The following CEP85L variants were observed in gnomAD, a reference collection of about 807,000 sequenced individuals.
CEP85L encodes centrosomal protein of 85 kDa-like.
A neutral mutation model predicts 100.3 loss-of-function variants in CEP85L; 60 were observed. The ratio of observed to expected loss-of-function variants is 0.60; its 90% confidence interval spans 0.49 to 0.74. The LOEUF is 0.74. CEP85L is among the 30% of genes least tolerant of loss of function. The pLI is 0.00. For missense variants in CEP85L, 973 were observed against 936.2 expected (o/e 1.04, Z -0.51); for synonymous variants, 319 against 322.7 (o/e 0.99, Z 0.12).
intron 2 of CEP85L, among the ~76,000 whole-genome samples, chr6:118,599,882 G>C (rs1036575049): frequency 5.3e-5 from 8 of 152,100 alleles, no homozygotes; most frequent in Non-Finnish European, 8.8e-5. Context: ...AACTGTTAAG[G>C]TTATGAAAAA....
chr6:118,593,018 A>C (rs1287846396), intron 2 of CEP85L, among the ~76,000 whole-genome samples: 1 of 152,220 alleles, frequency 6.6e-6, no homozygotes, highest in Non-Finnish European at 1.5e-5. Context: ...CATTAAGATG[A>C]GTTGTTTTAA....
At chr6:118,490,577 G>A (rs1205675237) in intron 6 of CEP85L, among the ~76,000 whole-genome samples, 2 of 152,076 alleles carry the variant, frequency 1.3e-5, no homozygotes, top group African/African-American at 4.8e-5. Context: ...CTATGATCCA[G>A]CAATTCAACT....
chr6:118,615,496 C>A (rs1382403129), intron 2 of CEP85L, among the ~76,000 whole-genome samples: 2 of 152,032 alleles, frequency 1.3e-5, no homozygotes, highest in African/African-American at 4.8e-5. Flanking sequence ...ATTAACTCAG[C>A]AAAAGTCTGG....
intron 2 of CEP85L, among the ~76,000 whole-genome samples, chr6:118,611,372 G>A (rs1240563377): frequency 6.6e-6 from 1 of 151,950 alleles, no homozygotes; most frequent in African/African-American, 2.4e-5. Flanking sequence ...ACTACTAGAA[G>A]AACTATACAA....
chr6:118,701,973 A>G (rs1562366795), intron 1 of CEP85L, among the ~76,000 whole-genome samples: 1 of 152,236 alleles, frequency 6.6e-6, no homozygotes, highest in Non-Finnish European at 1.5e-5. Flanking sequence ...GAAGCTAAAA[A>G]TGTTCTCTCT....
At chr6:118,563,773 C>T (rs1779352898) in intron 3 of CEP85L, among the ~76,000 whole-genome samples, 1 of 152,056 alleles carries the variant, frequency 6.6e-6, no homozygotes, top group Admixed American at 6.5e-5. Context: ...TTCAAAGAGG[C>T]TTTTAAGAAA....
chr6:118,492,631 C>T (rs1774650278), intron 5 of CEP85L, among the ~76,000 whole-genome samples: 1 of 152,038 alleles, frequency 6.6e-6, no homozygotes, highest in Non-Finnish European at 1.5e-5. Flanking sequence ...AAAAAGATAT[C>T]AACAAAGTAC....
At chr6:118,497,933 T>C (rs966995624) in intron 5 of CEP85L, among the ~76,000 whole-genome samples, 1 of 152,254 alleles carries the variant, frequency 6.6e-6, no homozygotes, top group African/African-American at 2.4e-5. Context: ...TGTGTGCATG[T>C]ATGTATACAT....
intron 2 of CEP85L, among the ~76,000 whole-genome samples, chr6:118,611,113 A>C (rs1172782160): frequency 6.6e-6 from 1 of 152,186 alleles, no homozygotes; most frequent in East Asian, 1.9e-4. Flanking sequence ...AAAATTATGA[A>C]TAAATAAAAT....
chr6:118,506,806 A>G (rs1562210046), intron 5 of CEP85L, among the ~76,000 whole-genome samples: 1 of 152,190 alleles, frequency 6.6e-6, no homozygotes, highest in Non-Finnish European at 1.5e-5. Flanking sequence ...ACATTTAGTA[A>G]CATCTTTTCA....
chr6:118,466,176 A>G (rs1772506059), intron 12 of CEP85L, among the ~76,000 whole-genome samples: 1 of 152,170 alleles, frequency 6.6e-6, no homozygotes, highest in Admixed American at 6.5e-5. Context: ...GCCTTGAGTC[A>G]GCCAGCTTTT....
chr6:118,652,856 C>G (rs1042366748), upstream of CEP85L: 1 of 788,022 alleles, frequency 1.3e-6, no homozygotes, highest in Non-Finnish European at 2.0e-6. Context: ...GTGATTGGTT[C>G]CTTTTTATTA....
chr6:118,558,654 CACACACAGAGAG>C (rs1156395213), intron 3 of CEP85L, among the ~76,000 whole-genome samples: 8 of 131,544 alleles, frequency 6.1e-5, no homozygotes, highest in Admixed American at 2.9e-4. Flanking sequence ...CACACACACA[CACACACAGAGAG>C]AGAGAGAGAG....
chr6:118,497,463 G>A (rs1348179289), intron 5 of CEP85L, among the ~76,000 whole-genome samples: 1 of 152,108 alleles, frequency 6.6e-6, no homozygotes, highest in Non-Finnish European at 1.5e-5. Context: ...CTACATTATG[G>A]TGAGTTGTAC....
chr6:118,660,495 C>T (rs2115405400), intron 1 of CEP85L, among the ~76,000 whole-genome samples: 1 of 152,294 alleles, frequency 6.6e-6, no homozygotes, highest in East Asian at 1.9e-4. Flanking sequence ...TCTCTAGTAA[C>T]CCATACTCCT....
chr6:118,514,539 A>AG lies in CEP85L; in HGVS notation c.1140-3125_1140-3124insC, dbSNP rs1554210589. On this transcript the variant is annotated intron_variant, in intron 4 of 12. Coordinates refer to ENST00000368491, the MANE Select transcript of CEP85L (RefSeq NM_001042475.3). ...GACACTGTCTCAAAAAAAAAAAAAAAAAAAGAAAACAAATACCAATATAGG... is the reference window on the plus strand; with the variant it reads ...GACACTGTCTCAAAAAAAAAAAAAAAGAAAAGAAAACAAATACCAATATAGG... Among the ~76,000 whole-genome samples, 29 of 105,350 alleles carry AG rather than the reference A, an allele frequency of 2.8e-4. 1 individual carries two copies. Among genetic ancestry groups the AG allele is most frequent in the South Asian group, 2.3e-3 (8 of 3,478 alleles). The allele number at this position is 105,350 out of a possible 152,430, so 69.1% of individuals were successfully genotyped here.
chr6:118,470,663 T>C lies in CEP85L; in HGVS notation c.1915-19A>G, dbSNP rs538984662. On this transcript the variant is annotated intron_variant, in intron 10 of 12. Coordinates refer to ENST00000368491, the MANE Select transcript of CEP85L (RefSeq NM_001042475.3). ...GCATAGACTAGAATTTTTAAAAAAATTGGAAAGCAAAACAGGTTAACATGT... is the reference window on the plus strand; with the variant it reads ...GCATAGACTAGAATTTTTAAAAAAACTGGAAAGCAAAACAGGTTAACATGT... The C allele has an allele frequency of 6.8e-6, 10 of 1,464,064 alleles. No individual in the cohort carries two copies. Among genetic ancestry groups the C allele is most frequent in the Non-Finnish European group, 9.4e-6 (10 of 1,063,854 alleles). The allele number at this position is 1,464,064 out of a possible 1,614,324, so 90.7% of individuals were successfully genotyped here. A position where few individuals can be genotyped will look rare whatever the true frequency, so the allele number is the denominator to read the frequency against.
At chr6:118,694,620 G>T (rs1229495448) in intron 1 of CEP85L, among the ~76,000 whole-genome samples, 1 of 152,024 alleles carries the variant, frequency 6.6e-6, no homozygotes, top group Non-Finnish European at 1.5e-5. Flanking sequence ...TCTCTCTCGA[G>T]GTATAAAGTA....
chr6:118,660,441 A>T (rs75248573), intron 1 of CEP85L, among the ~76,000 whole-genome samples: 1,762 of 152,328 alleles, frequency 0.012, 38 homozygotes, highest in African/African-American at 0.04. Context: ...AGATTGCCAG[A>T]TAAGGGGCCA....
Sources: allele counts gnomAD v4.1 joint callset (sites outside exome capture counted in the v4.1 genomes callset), GRCh38; gene constraint gnomAD v4.1.1; transcripts MANE v1.5; gene names NCBI Gene and HGNC (gene_info 2026-07-23, HGNC 2026-07-21).